Variants in CSMD2 observed in about 807,000 individuals in gnomAD.
The protein encoded by CSMD2 is CUB and Sushi multiple domains 2.
Under a neutral mutation model 398.5 loss-of-function variants are expected in CSMD2, and 130 were observed. The ratio of observed to expected loss-of-function variants is 0.33; its 90% CI spans 0.28 to 0.38. The LOEUF is 0.38. Ranked by LOEUF, CSMD2 falls within the 10% of genes least tolerant of loss-of-function variation. The pLI is 1.00. For missense variants in CSMD2, 3,829 were observed against 4,764.9 expected (o/e 0.80, Z 5.78); for synonymous variants, 1,828 against 1,908.5 (o/e 0.96, Z 1.10).
At chr1:33,528,869 GA>G (rs1483139185) in intron 64 of CSMD2, among the ~76,000 whole-genome samples, 5 of 152,120 alleles carry the variant, frequency 3.3e-5, no homozygotes, top group Non-Finnish European at 5.9e-5. Flanking sequence ...AAGCATCATT[GA>G]AAGAAATTAA....
chr1:33,981,416 G>T (rs1318228877), intron 3 of CSMD2, among the ~76,000 whole-genome samples: 1 of 152,158 alleles, frequency 6.6e-6, no homozygotes. Flanking sequence ...TGGGCATCAG[G>T]TAAGGCTTGC....
At chr1:34,083,802 C>T (rs913196303) in intron 2 of CSMD2, among the ~76,000 whole-genome samples, 3 of 151,938 alleles carry the variant, frequency 2.0e-5, no homozygotes, top group Admixed American at 6.6e-5. Flanking sequence ...GCCTGTAGTC[C>T]CAGCTACTTT....
chr1:33,667,677 C>A (rs965150876), intron 25 of CSMD2, among the ~76,000 whole-genome samples: 3 of 152,140 alleles, frequency 2.0e-5, no homozygotes. Flanking sequence ...TGATTGCATT[C>A]GGCTTAGCTG....
Position 33,518,213 on chromosome 1 carries a change from GTTCT to G in CSMD2, c.*53+1248_*53+1251del, listed in dbSNP as rs1653934692. On this transcript the variant is annotated intron_variant, in intron 70 of 70. Transcript: ENST00000373381. The surrounding 1 kb of genome is among the most constrained non-coding windows in gnomAD (Gnocchi z 4.3). ...AAAGCGGGATGTGTGGGAGAAGACA[GTTCT>G]CAGAGGGGTGCAGCTTGGACATCGT... Among the ~76,000 whole-genome samples the G allele has an allele frequency of 6.6e-6, 1 of 152,258 alleles. No homozygotes were observed. Among genetic ancestry groups the G allele is most frequent in the Admixed American group, 6.5e-5 (1 of 15,294 alleles).
intron 31 of CSMD2, among the ~76,000 whole-genome samples, chr1:33,634,674 A>C (rs1642688257): frequency 6.6e-6 from 1 of 152,000 alleles, no homozygotes; most frequent in Non-Finnish European, 1.5e-5. Context: ...TGGAATCTGG[A>C]AGTTTCTCTG....
At chr1:33,658,295 A>G (rs1227602231) in intron 26 of CSMD2, among the ~76,000 whole-genome samples, 158 bp from the exon 27 acceptor site, 35 of 151,160 alleles carry the variant, frequency 2.3e-4, no homozygotes, top group Admixed American at 2.2e-3. Flanking sequence ...CAGTGCCACT[A>G]TTCTCACTCC....
chr1:34,164,976 G>A lies in CSMD2; in HGVS notation c.122C>T (p.Pro41Leu). Residue 41 changes from proline to leucine, a missense_variant, in exon 1 of 71, where the codon CCG (proline) becomes CTG (leucine). Transcript: ENST00000373381. The surrounding 1 kb of genome is among the most constrained non-coding windows in gnomAD (Gnocchi z 6.2). The part of the protein sequence containing the change: ...GAGSRWGRPP[P>L]PTPPPLLLLL... ...CAGCAGCAGAGGCGGCGGCGTTGGC[G>A]GCGGCGGGCGGCCCCAGCGGCTCCC... 8.2e-7 allele frequency: 1 copy of A among 1,212,338 alleles called. No homozygotes were observed. Among genetic ancestry groups the A allele is most frequent in the Non-Finnish European group, 1.0e-6 (1 of 975,888 alleles). 75.1% of individuals were successfully genotyped at this position (1,212,338 alleles called of 1,614,324 possible). A position where few individuals can be genotyped will look rare whatever the true frequency, so the allele number is the denominator to read the frequency against.
At position 33,545,233 on chromosome 1, in the gene CSMD2, C is replaced by T. The variant is rs368980697; in HGVS notation, c.9100+804G>A. Among the ~76,000 whole-genome samples the T allele has an allele frequency of 7.2e-5, 11 of 152,212 alleles. No individual in the cohort carries two copies. In the East Asian group the frequency reaches 1.4e-3, roughly 19 times the overall value. Reference sequence around the variant, plus strand: ...AAGCTGTATTTTAGAAAGAGAGAGACAGAGAGATTTGGGGACCAACTGCAA... The same window carrying T: ...AAGCTGTATTTTAGAAAGAGAGAGATAGAGAGATTTGGGGACCAACTGCAA... On this transcript the variant is annotated intron_variant, in intron 57 of 70. Transcript: ENST00000373381.
Position 33,694,165 on chromosome 1 carries a change from A to G in CSMD2, c.3926-1109T>C, listed in dbSNP as rs367781714. Among the ~76,000 whole-genome samples the G allele has an allele frequency of 3.3e-5, 5 of 152,334 alleles. No individual in the cohort carries two copies. In the East Asian group the frequency reaches 7.7e-4, roughly 24 times the overall value. On this transcript the variant is annotated intron_variant, in intron 24 of 70. Transcript: ENST00000373381. ...TAGTTAAGTGAAGGAAGTCAGACAC[A>G]TTGTGCGATTCCACTTATGTGAAAT...
chr1:33,635,074 C>CCTTTTG lies in CSMD2; in HGVS notation c.5086+139_5086+140insCAAAAG. On this transcript the variant is annotated intron_variant, in intron 31 of 70. Transcript: ENST00000373381. This position sits in a 1 kb window ranked among gnomAD's most constrained non-coding sequence, Gnocchi z 5.0. ...AGCCCGTTTGAGAAACGTCAGCACT[C>CCTTTTG]GGCCGTCCTTTTGGGGAGACTGTTC... 1 of 605,514 alleles carries CCTTTTG rather than the reference C, an allele frequency of 1.7e-6. No individual in the cohort carries two copies. Among genetic ancestry groups the CCTTTTG allele is most frequent in the Non-Finnish European group, 3.1e-6 (1 of 327,636 alleles). 37.5% of individuals were successfully genotyped at this position (605,514 alleles called of 1,614,324 possible).
chr1:33,926,972 G>T (rs1488334207), intron 4 of CSMD2, among the ~76,000 whole-genome samples: 1 of 152,120 alleles, frequency 6.6e-6, no homozygotes, highest in East Asian at 1.9e-4. Context: ...GTACCATCTT[G>T]CATGCCTAGA....
Position 33,559,712 on chromosome 1 carries a change from G to C in CSMD2, c.8381-239C>G, listed in dbSNP as rs1303217716. On this transcript the variant is annotated intron_variant, in intron 53 of 70. Transcript: ENST00000373381. This position sits in a 1 kb window ranked among gnomAD's most constrained non-coding sequence, Gnocchi z 4.0. Reference sequence around the variant, plus strand: ...TCAATCATTCTATGACTTCCCATAGGGTGTTAGGACTGGACTGTGGTTCTC... The same window carrying C: ...TCAATCATTCTATGACTTCCCATAGCGTGTTAGGACTGGACTGTGGTTCTC... Among the ~76,000 whole-genome samples the C allele has an allele frequency of 2.0e-5, 3 of 152,032 alleles. No individual in the cohort carries two copies. The East Asian group carries it at 5.8e-4, about 29-fold the overall frequency.
chr1:33,752,097 C>G (rs1314777321), intron 13 of CSMD2, among the ~76,000 whole-genome samples: 1 of 152,140 alleles, frequency 6.6e-6, no homozygotes. Flanking sequence ...GAATTTATAG[C>G]TAAATGTATT....
At chr1:34,132,530 T>C (rs544745615) in intron 1 of CSMD2, among the ~76,000 whole-genome samples, 15 of 152,348 alleles carry the variant, frequency 9.8e-5, no homozygotes, top group Admixed American at 7.8e-4. Flanking sequence ...GATGCCCAGA[T>C]AGCTGGGAAA....
At chr1:33,908,742 C>G (rs1372392360) in intron 5 of CSMD2, among the ~76,000 whole-genome samples, 2 of 152,216 alleles carry the variant, frequency 1.3e-5, no homozygotes, top group Non-Finnish European at 2.9e-5. Flanking sequence ...AGTGCTGGAG[C>G]CCTGGCCTTC....
intron 46 of CSMD2, among the ~76,000 whole-genome samples, chr1:33,584,950 G>T (rs1191127282): frequency 6.6e-6 from 1 of 152,118 alleles, no homozygotes; most frequent in Non-Finnish European, 1.5e-5. Context: ...GGAAGCTGCT[G>T]GTTCAGAGAG....
chr1:34,015,771 A>G (rs922531379), intron 3 of CSMD2, among the ~76,000 whole-genome samples: 3 of 152,226 alleles, frequency 2.0e-5, no homozygotes, highest in South Asian at 2.1e-4. Flanking sequence ...GATTTAAAGT[A>G]TTATAGATCC....
intron 27 of CSMD2, among the ~76,000 whole-genome samples, chr1:33,655,721 C>T (rs1435820397): frequency 6.6e-6 from 1 of 152,256 alleles, no homozygotes; most frequent in Non-Finnish European, 1.5e-5. Flanking sequence ...TAGACCCGCT[C>T]ATGGCAGAAC....
chr1:33,611,460 C>A (rs1641000392), intron 40 of CSMD2, among the ~76,000 whole-genome samples: 1 of 152,128 alleles, frequency 6.6e-6, no homozygotes, highest in African/African-American at 2.4e-5. Flanking sequence ...ATTATTCATT[C>A]AAAAATAAAG....
Sources: gnomAD v4.1 joint callset for allele counts (sites outside exome capture counted in the v4.1 genomes callset) on GRCh38, gnomAD v4.1.1 for gene constraint, Gnocchi (gnomAD v3.1) non-coding constraint, MANE v1.5 for transcripts, NCBI Gene and HGNC (gene_info 2026-07-23, HGNC 2026-07-21) for gene names.